Variants in CA10 observed in about 807,000 individuals in gnomAD.
The protein encoded by CA10 is carbonic anhydrase 10 (inactive).
A neutral mutation model predicts 44.2 loss-of-function variants in CA10; 14 were observed. That is an observed-to-expected ratio of 0.32 (90% confidence interval 0.21 to 0.50). The LOEUF (loss-of-function observed/expected upper bound fraction) is 0.50. Among genes scored for constraint, CA10 ranks in the 20% least tolerant of loss-of-function variants. The pLI is 0.99. For missense variants in CA10, 350 were observed against 409.7 expected (o/e 0.85, Z 1.26); for synonymous variants, 159 against 141.6 (o/e 1.12, Z -0.87).
At chr17:52,119,772 A>G (rs1363182330) in intron 1 of CA10, among the ~76,000 whole-genome samples, 3 of 152,216 alleles carry the variant, frequency 2.0e-5, no homozygotes, top group Admixed American at 6.5e-5. Context: ...TCTTTTTGAC[A>G]AGAATGAGGA....
intron 3 of CA10, among the ~76,000 whole-genome samples, chr17:51,824,477 T>C (rs1907934573): frequency 6.6e-6 from 1 of 152,218 alleles, no homozygotes; most frequent in African/African-American, 2.4e-5. Flanking sequence ...GCAACGTGCT[T>C]AAAATAACTT....
chr17:51,933,125 G>T (rs1982730978), intron 2 of CA10, among the ~76,000 whole-genome samples: 3 of 152,082 alleles, frequency 2.0e-5, no homozygotes, highest in Non-Finnish European at 4.4e-5. Flanking sequence ...CCTTCTTCAT[G>T]GTTCCTGTGG....
chr17:51,822,828 G>A (rs903678951), intron 3 of CA10, among the ~76,000 whole-genome samples: 1 of 152,134 alleles, frequency 6.6e-6, no homozygotes, highest in East Asian at 1.9e-4. Context: ...TTGATGGGGG[G>A]TCCAAATATC....
chr17:51,873,497 C>T (rs553651599), intron 3 of CA10, among the ~76,000 whole-genome samples: 1 of 152,224 alleles, frequency 6.6e-6, no homozygotes, highest in African/African-American at 2.4e-5. Context: ...CTCCCACACT[C>T]CCTTGGAGCT....
At chr17:51,706,792 A>C (rs922638169) in intron 4 of CA10, among the ~76,000 whole-genome samples, 3 of 152,134 alleles carry the variant, frequency 2.0e-5, no homozygotes, top group Admixed American at 1.3e-4. Flanking sequence ...GTCTTGCCAC[A>C]CACCAGGCAC....
intron 4 of CA10, among the ~76,000 whole-genome samples, chr17:51,690,670 G>A (rs936661720): frequency 4.6e-5 from 7 of 152,178 alleles, no homozygotes; most frequent in African/African-American, 1.7e-4. Context: ...TGTAAGACAT[G>A]CCTTTGCTTC....
chr17:52,025,348 G>A (rs73989038), intron 2 of CA10, among the ~76,000 whole-genome samples: 4,593 of 152,028 alleles, frequency 0.03, 72 homozygotes, highest in South Asian at 0.056. Context: ...AGAGAATAAA[G>A]CTAACTTATT....
chr17:52,004,308 A>G (rs1325286463), intron 2 of CA10, among the ~76,000 whole-genome samples: 1 of 152,006 alleles, frequency 6.6e-6, no homozygotes, highest in Non-Finnish European at 1.5e-5. Flanking sequence ...AAGTTAATGA[A>G]ACAAGTTTCT....
chr17:51,962,968 TGA>T (rs1008250734), intron 2 of CA10, among the ~76,000 whole-genome samples: 1 of 152,062 alleles, frequency 6.6e-6, no homozygotes, highest in Non-Finnish European at 1.5e-5. Context: ...AAGCATGTAT[TGA>T]GAGGAAGCTC....
At chr17:51,726,268 G>A (rs545498870) in intron 4 of CA10, among the ~76,000 whole-genome samples, 82 of 152,292 alleles carry the variant, frequency 5.4e-4, no homozygotes, top group African/African-American at 1.9e-3. Context: ...ACTATTCCAG[G>A]TAACCCCTTG....
chr17:51,967,007 A>G (rs1984104445), intron 2 of CA10, among the ~76,000 whole-genome samples: 1 of 151,784 alleles, frequency 6.6e-6, no homozygotes, highest in African/African-American at 2.4e-5. Context: ...AAACAACTCA[A>G]CAAGCCAAAA....
At chr17:52,042,249 C>T (rs1229242692) in intron 2 of CA10, among the ~76,000 whole-genome samples, 1 of 151,976 alleles carries the variant, frequency 6.6e-6, no homozygotes, top group Non-Finnish European at 1.5e-5. Context: ...TCATCCTCAC[C>T]AACGTTTGTT....
At chr17:51,829,234 G>T (rs1908140685) in intron 3 of CA10, among the ~76,000 whole-genome samples, 1 of 152,230 alleles carries the variant, frequency 6.6e-6, no homozygotes, top group Admixed American at 6.5e-5. Context: ...CCATGGATGT[G>T]TCTGGAATCC....
intron 2 of CA10, among the ~76,000 whole-genome samples, chr17:52,025,829 A>G (rs1295295149): frequency 1.3e-5 from 2 of 152,154 alleles, no homozygotes; most frequent in Admixed American, 6.6e-5. Flanking sequence ...GTAGATAAAG[A>G]CAGAATTGAT....
At chr17:51,669,125 G>A (rs1421222197) in intron 4 of CA10, among the ~76,000 whole-genome samples, 1 of 152,246 alleles carries the variant, frequency 6.6e-6, no homozygotes, top group East Asian at 1.9e-4. Flanking sequence ...AAGGGCTGAG[G>A]AGTGCAGGCG....
chr17:52,058,395 CTG>C (rs1987288263), intron 2 of CA10, among the ~76,000 whole-genome samples: 1 of 152,056 alleles, frequency 6.6e-6, no homozygotes, highest in African/African-American at 2.4e-5. Context: ...GTCTTATTGT[CTG>C]TATTTTACAA....
At chr17:51,851,607 G>A (rs1250866592) in intron 3 of CA10, among the ~76,000 whole-genome samples, 1 of 152,106 alleles carries the variant, frequency 6.6e-6, no homozygotes, top group Non-Finnish European at 1.5e-5. Context: ...CTGTATTGAA[G>A]CAACTTATTT....
At chr17:52,037,999 A>G (rs1241127180) in intron 2 of CA10, among the ~76,000 whole-genome samples, 2 of 152,102 alleles carry the variant, frequency 1.3e-5, no homozygotes, top group Admixed American at 1.3e-4. Context: ...CTCAAGGTGA[A>G]AAACTACTCC....
rs1247724777 is a variant in CA10 at position 52,158,125 on chromosome 17, A to G, written c.-339T>C. On this transcript the variant is annotated 5_prime_UTR_variant, in exon 1 of 9. Transcript: ENST00000451037. ...CAGCGGCGGCGGCGGCGGCGGCGGC[A>G]GCAGCCACCTGAAGCCACCAACACT... 5 of 449,870 alleles carry G rather than the reference A, an allele frequency of 1.1e-5. No homozygotes were observed. The highest frequency in any genetic ancestry group is 8.1e-5 in the South Asian group (4 of 49,350). 27.9% of individuals were successfully genotyped at this position (449,870 alleles called of 1,614,324 possible).
Sources: gnomAD v4.1 joint callset for allele counts (sites outside exome capture counted in the v4.1 genomes callset) on GRCh38, gnomAD v4.1.1 for gene constraint, MANE v1.5 for transcripts, NCBI Gene and HGNC (gene_info 2026-07-23, HGNC 2026-07-21) for gene names.